NKAIN3: variants seen among roughly 807,000 people sequenced by gnomAD.
The protein encoded by NKAIN3 is sodium/potassium-transporting ATPase subunit beta-1-interacting protein 3.
A neutral mutation model predicts 30.2 loss-of-function variants in NKAIN3; 25 were observed. The observed-to-expected ratio is 0.83, with a 90% CI of 0.60 to 1.16. The LOEUF is 1.16. NKAIN3 is among the 50% of genes most tolerant of loss of function. NKAIN3 has a pLI of 0.00. For missense variants in NKAIN3, 225 were observed against 254.1 expected, an observed-to-expected ratio of 0.89 and a Z score of 0.78; for synonymous variants, 91 against 89.6, an observed-to-expected ratio of 1.02 and a Z score of -0.09.
intron 1 of NKAIN3, among the ~76,000 whole-genome samples, chr8:62,290,606 GATA>G (rs1411469701): frequency 2.0e-5 from 3 of 152,176 alleles, no homozygotes; most frequent in Non-Finnish European, 2.9e-5. Flanking sequence ...GCTCATGGTG[GATA>G]AGCTTTTTGA....
intron 1 of NKAIN3, among the ~76,000 whole-genome samples, chr8:62,506,949 C>T (rs1807663955): frequency 1.3e-5 from 2 of 152,106 alleles, no homozygotes; most frequent in African/African-American, 2.4e-5. Context: ...AGCATCTTTT[C>T]CATTTCTTTG....
intron 1 of NKAIN3, among the ~76,000 whole-genome samples, chr8:62,520,079 C>CT (rs1171677185): frequency 4.6e-5 from 7 of 152,092 alleles, no homozygotes; most frequent in Non-Finnish European, 1.0e-4. Context: ...TTAAAATTAA[C>CT]TTTTTTTGTA....
chr8:62,407,500 T>C (rs1391045519), intron 1 of NKAIN3, among the ~76,000 whole-genome samples: 1 of 149,262 alleles, frequency 6.7e-6, no homozygotes, highest in Non-Finnish European at 1.5e-5. Context: ...CGAGTTCAAG[T>C]GATTCTCCTG....
chr8:62,314,881 A>C (rs2129588924), intron 1 of NKAIN3, among the ~76,000 whole-genome samples: 1 of 152,284 alleles, frequency 6.6e-6, no homozygotes, highest in Non-Finnish European at 1.5e-5. Flanking sequence ...ACTGAACCTA[A>C]TATTCTCCTG....
chr8:62,575,978 A>G (rs550076427), intron 1 of NKAIN3, among the ~76,000 whole-genome samples: 2 of 152,272 alleles, frequency 1.3e-5, no homozygotes, highest in South Asian at 4.2e-4. Flanking sequence ...AAATAGATTT[A>G]AGGCCTAAAT....
chr8:62,518,745 C>A (rs1164898070), intron 1 of NKAIN3, among the ~76,000 whole-genome samples: 1 of 152,048 alleles, frequency 6.6e-6, no homozygotes, highest in African/African-American at 2.4e-5. Flanking sequence ...AAAAAACGAA[C>A]CTTGAAATAG....
chr8:62,853,671 T>C (rs543907557), intron 4 of NKAIN3, among the ~76,000 whole-genome samples: 70 of 152,328 alleles, frequency 4.6e-4, no homozygotes, highest in African/African-American at 1.5e-3. Flanking sequence ...CCTGGATTTG[T>C]TGATTTTTGA....
At chr8:62,546,164 C>T (rs1042322080) in intron 1 of NKAIN3, among the ~76,000 whole-genome samples, 1 of 152,168 alleles carries the variant, frequency 6.6e-6, no homozygotes, top group Non-Finnish European at 1.5e-5. Flanking sequence ...TTGTCTTATT[C>T]TTACCTTTGT....
chr8:62,324,165 A>G (rs763673524), intron 1 of NKAIN3, among the ~76,000 whole-genome samples: 18 of 152,112 alleles, frequency 1.2e-4, no homozygotes, highest in African/African-American at 3.6e-4. Context: ...ATGTACCACA[A>G]TGTTGCTAAA....
intron 3 of NKAIN3, among the ~76,000 whole-genome samples, chr8:62,719,146 T>C (rs1287550577): frequency 1.3e-5 from 2 of 152,188 alleles, no homozygotes; most frequent in Non-Finnish European, 2.9e-5. Context: ...GAGTTCATAG[T>C]AAACTCTCTT....
At chr8:62,535,591 C>T (rs1430482792) in intron 1 of NKAIN3, among the ~76,000 whole-genome samples, 1 of 152,146 alleles carries the variant, frequency 6.6e-6, no homozygotes, top group East Asian at 1.9e-4. Flanking sequence ...GAAACATTTA[C>T]TTACATTTGC....
chr8:62,436,512 C>T (rs1307376328), intron 1 of NKAIN3, among the ~76,000 whole-genome samples: 2 of 152,124 alleles, frequency 1.3e-5, no homozygotes, highest in African/African-American at 4.8e-5. Context: ...CAGCTGTGAT[C>T]ACCAGCTTAA....
chr8:62,618,863 G>A lies in NKAIN3; in HGVS notation c.273+29069G>A, dbSNP rs185873930. Among the ~76,000 whole-genome samples the A allele has an allele frequency of 2.4e-3, 370 of 152,054 alleles. 1 individual carries two copies. The highest frequency in any genetic ancestry group is 7.0e-3 in the African/African-American group (290 of 41,482). ...AGAGGTTGCAGTGAGCTGAGATCGC[G>A]CCACGGCACCCCAGCCTGGGCGACA... On this transcript the variant is annotated intron_variant, in intron 3 of 6. Coordinates refer to ENST00000623646, the MANE Select transcript of NKAIN3 (RefSeq NM_001304533.3).
At chr8:62,990,372 A>G (rs551516091) in intron 5 of NKAIN3, 1 of 1,243,068 alleles carries the variant, frequency 8.0e-7, no homozygotes, top group East Asian at 3.2e-5. Flanking sequence ...AGTGCAGTCT[A>G]ATATATAAAT....
At chr8:62,814,591 TC>T (rs1818615200) in intron 4 of NKAIN3, among the ~76,000 whole-genome samples, 1 of 151,648 alleles carries the variant, frequency 6.6e-6, no homozygotes, top group East Asian at 1.9e-4. Flanking sequence ...TCAAAACCAC[TC>T]AAATACATGG....
chr8:62,449,112 C>T (rs556041450), intron 1 of NKAIN3, among the ~76,000 whole-genome samples: 2 of 152,058 alleles, frequency 1.3e-5, no homozygotes, highest in South Asian at 4.1e-4. Context: ...ATCTCAAAAT[C>T]CCTTTTTTAA....
intron 4 of NKAIN3, among the ~76,000 whole-genome samples, chr8:62,903,922 C>G (rs1372257283): frequency 6.6e-6 from 1 of 152,078 alleles, no homozygotes; most frequent in African/African-American, 2.4e-5. Context: ...GGAAACCACC[C>G]CCATGATTCA....
rs1189727664 is a variant in NKAIN3, at chr8:62,977,501, T to G, written c.*12094T>G. On this transcript the variant is annotated 3_prime_UTR_variant, in exon 7 of 7. Transcript: ENST00000623646. ...TGATCGATTCAGCTATTGATACTTG[T>G]GTATGCTTCATGAAGTTCTCGTGCT... is the stretch of plus-strand genomic sequence containing the variant. Among the ~76,000 whole-genome samples, 1 of 151,948 alleles carries G rather than the reference T, an allele frequency of 6.6e-6. No homozygotes were observed. The highest frequency in any genetic ancestry group is 1.5e-5 in the Non-Finnish European group (1 of 68,008).
intron 4 of NKAIN3, among the ~76,000 whole-genome samples, chr8:62,873,806 AC>A (rs1345880120): frequency 2.6e-5 from 4 of 152,102 alleles, no homozygotes; most frequent in African/African-American, 9.7e-5. Flanking sequence ...GAGGCAATAT[AC>A]CAGAATCTCT....
Sources: allele counts gnomAD v4.1 joint callset (sites outside exome capture counted in the v4.1 genomes callset), GRCh38; gene constraint gnomAD v4.1.1; transcripts MANE v1.5; gene names NCBI Gene and HGNC (gene_info 2026-07-23, HGNC 2026-07-21).